Variants in CENATAC observed in about 807,000 individuals in gnomAD.
CENATAC encodes coiled-coil domain containing 84.
A neutral mutation model predicts 53.7 loss-of-function variants in CENATAC; 53 were observed. The observed-to-expected ratio is 0.99, with a 90% CI of 0.79 to 1.24. CENATAC has a LOEUF of 1.24. Ranked by LOEUF, CENATAC falls within the 50% of genes most tolerant of loss-of-function variation. CENATAC has a pLI of 0.00. For synonymous variants in CENATAC, 156 were observed against 144.6 expected, an observed-to-expected ratio of 1.08 and a Z score of -0.57; for missense variants, 474 against 417.8, an observed-to-expected ratio of 1.13 and a Z score of -1.17.
At chr11:119,006,074 G>GTTTTTT (rs1942576837) in intron 3 of CENATAC, 2 of 99,832 alleles carry the variant, frequency 2.0e-5, no homozygotes, top group African/African-American at 1.1e-4. Context: ...GAGTAGGCAG[G>GTTTTTT]ATTTTTTTTT....
chr11:119,003,421 G>C, intron 3 of CENATAC: 2 of 489,144 alleles, frequency 4.1e-6, no homozygotes, highest in South Asian at 3.1e-5. Flanking sequence ...AGGGGCAGGA[G>C]CTTCCTTCTT....
intron 3 of CENATAC, among the ~76,000 whole-genome samples, chr11:119,008,162 G>A (rs1942693086): frequency 6.6e-6 from 1 of 151,984 alleles, no homozygotes; most frequent in East Asian, 1.9e-4. Flanking sequence ...GATGAGAGAC[G>A]GAGAAAAGAA....
At chr11:119,001,345 A>C (rs781878594) in intron 3 of CENATAC, among the ~76,000 whole-genome samples, 2 of 152,110 alleles carry the variant, frequency 1.3e-5, no homozygotes, top group Non-Finnish European at 2.9e-5. Flanking sequence ...TTGACCGCGA[A>C]TGTCACCATG....
chr11:119,013,289 A>G, intron 8 of CENATAC, 27 bp downstream of exon 8: 1 of 1,571,142 alleles, frequency 6.4e-7, no homozygotes, highest in Admixed American at 1.9e-5. Flanking sequence ...TGTTTTTAAA[A>G]CCCTGGGAGA....
At chr11:119,011,406 C>T (rs1417064352) in intron 5 of CENATAC, 123 bp downstream of exon 5, 4 of 881,810 alleles carry the variant, frequency 4.5e-6, no homozygotes, top group Non-Finnish European at 5.2e-6. Flanking sequence ...CAGAGTTTCG[C>T]TGTGTCACCC....
At position 118,998,306 on chromosome 11, in the gene CENATAC, C is replaced by G. The variant is rs1044379492; in HGVS notation, c.109C>G (p.Leu37Val). Residue 37 changes from leucine (L) to valine (V), a missense_variant, in exon 1 of 11, where the codon CTC becomes GTC. Transcript: ENST00000334418. The part of the protein sequence containing the change: ...QRQLKEALER[L>V]LPQVEAARKA... ...GCAGCTGAAGGAGGCTTTGGAGAGG[C>G]TCCTGCCCCAGGTGCGGAGGCAAGG... 1 of 1,608,262 alleles carries G rather than the reference C, an allele frequency of 6.2e-7. No individual in the cohort carries two copies. Among genetic ancestry groups the G allele is most frequent in the African/African-American group, 1.3e-5 (1 of 74,892 alleles).
At position 118,998,147 on chromosome 11, in the gene CENATAC, C is replaced by G. The variant is rs782156294; in HGVS notation, c.-51C>G. On this transcript the variant is annotated 5_prime_UTR_variant, in exon 1 of 11. Coordinates refer to ENST00000334418, the MANE Select transcript of CENATAC (RefSeq NM_198489.3). ...CCGAGGGGTCAGGGTCAGAGGCCGC[C>G]GGATGGCGTAGGATCGGCCGCTGGT... 8.4e-6 allele frequency: 13 copies of G among 1,551,962 alleles called. 1 individual carries two copies. The East Asian group carries it at 1.4e-4, about 17-fold the overall frequency.
chr11:118,999,101 T>G lies in CENATAC; in HGVS notation c.375T>G (p.Asp125Glu). 1 of 1,611,450 alleles carries G rather than the reference T, an allele frequency of 6.2e-7. No homozygotes were observed. The highest frequency in any genetic ancestry group is 8.5e-7 in the Non-Finnish European group (1 of 1,177,634). ...AGAAGTTTCTGGTCACTCCCCAGGA[T>G]TATGCGCGGTGAGTCACTGGTATGG... Reference protein sequence around the residue: ...MKEKFLVTPQDYARFKKSMVK... With the variant: ...MKEKFLVTPQEYARFKKSMVK... Residue 125 changes from aspartate (D) to glutamate (E), a missense_variant, in exon 3 of 11, where the codon GAT (aspartate) becomes GAG (glutamate). By Grantham distance (45) the Asp-to-Glu change is conservative. Transcript: ENST00000334418.
chr11:119,006,075 A>AATTT (rs1942577292), intron 3 of CENATAC: 3 of 58,490 alleles, frequency 5.1e-5, no homozygotes, highest in Non-Finnish European at 9.4e-5. Flanking sequence ...AGTAGGCAGG[A>AATTT]TTTTTTTTTT....
intron 9 of CENATAC, 108 bp downstream of exon 9, chr11:119,015,191 T>A (rs1348325952): frequency 1.4e-6 from 2 of 1,447,440 alleles, no homozygotes; most frequent in African/African-American, 2.8e-5. Flanking sequence ...TTTGGGAGGC[T>A]GAGGTGGGAG....
At chr11:119,000,309 C>T (rs1313587406) in intron 3 of CENATAC, among the ~76,000 whole-genome samples, 1 of 152,122 alleles carries the variant, frequency 6.6e-6, no homozygotes, top group Admixed American at 6.6e-5. Flanking sequence ...GTAGGTAGGA[C>T]TTTCTAATAA....
Sources: gnomAD v4.1 joint callset for allele counts (sites outside exome capture counted in the v4.1 genomes callset) on GRCh38, gnomAD v4.1.1 for gene constraint, MANE v1.5 for transcripts, NCBI Gene and HGNC (gene_info 2026-07-23, HGNC 2026-07-21) for gene names.